ATP11B: variants seen among roughly 807,000 people sequenced by gnomAD.
ATP11B encodes the protein phospholipid-transporting ATPase IF.
Under a neutral mutation model 157.8 loss-of-function variants are expected in ATP11B, and 81 were observed. That is an observed-to-expected ratio of 0.51 (90% CI 0.43 to 0.62). The LOEUF is 0.62. Among genes scored for constraint, ATP11B ranks in the 20% least tolerant of loss-of-function variants. The pLI is 0.00. For synonymous variants in ATP11B, 451 were observed against 469.4 expected (o/e 0.96, Z 0.51); for missense variants, 1,165 against 1,402.2 (o/e 0.83, Z 2.70).
intron 12 of ATP11B, among the ~76,000 whole-genome samples, chr3:182,864,893 T>C (rs1280851712): frequency 1.3e-5 from 2 of 152,192 alleles, no homozygotes; most frequent in Non-Finnish European, 2.9e-5. Context: ...TCTTACTTAC[T>C]TTTAAAAATA....
In ATP11B at chr3:182,879,561, T is replaced by G; in HGVS notation, c.2318T>G (p.Leu773Arg). 1.2e-6 allele frequency: 2 copies of G among 1,614,152 alleles called. No homozygotes were observed. The highest frequency in any genetic ancestry group is 8.5e-7 in the Non-Finnish European group (1 of 1,179,980). The change falls in exon 20 of 30, where the codon CTC becomes CGC. Residue 773 changes from leucine to arginine, a missense_variant. By Grantham distance (102) the Leu-to-Arg change is moderately radical. Coordinates refer to ENST00000323116, the MANE Select transcript of ATP11B (RefSeq NM_014616.3). ...GATGGGACCAGCCTATCTCTTGCAC[T>G]CAGGGAGCATGAAAAACTATTTATG... ...VVDGTSLSLA[L>R]REHEKLFMEV...
intron 28 of ATP11B, among the ~76,000 whole-genome samples, chr3:182,908,996 A>T (rs1020648884): frequency 1.3e-5 from 2 of 152,248 alleles, no homozygotes; most frequent in Non-Finnish European, 2.9e-5. Flanking sequence ...AAGACCTAGC[A>T]TGGTTAATTG....
intron 12 of ATP11B, among the ~76,000 whole-genome samples, chr3:182,864,122 T>C (rs1445522816): frequency 6.6e-6 from 1 of 152,194 alleles, no homozygotes; most frequent in African/African-American, 2.4e-5. Flanking sequence ...CTTTTTATCC[T>C]GGAATTGTGC....
At chr3:182,878,509 G>T (rs545919203) in intron 19 of ATP11B, among the ~76,000 whole-genome samples, 29 of 152,360 alleles carry the variant, frequency 1.9e-4, no homozygotes, top group African/African-American at 6.7e-4. Context: ...AAGGAGAATT[G>T]TGGGGGGAAG....
intron 28 of ATP11B, among the ~76,000 whole-genome samples, chr3:182,910,073 G>GAAA (rs34483660): frequency 7.1e-4 from 45 of 62,950 alleles, no homozygotes; most frequent in Admixed American, 8.9e-4. Context: ...TCGGCCTCCA[G>GAAA]AAAAAAAAAA....
intron 28 of ATP11B, among the ~76,000 whole-genome samples, chr3:182,913,563 A>G (rs1483215264): frequency 6.6e-6 from 1 of 152,232 alleles, no homozygotes; most frequent in Non-Finnish European, 1.5e-5. Context: ...GATGGAAATC[A>G]TTTTGACCAT....
intron 24 of ATP11B, among the ~76,000 whole-genome samples, chr3:182,888,852 A>G (rs1381985428): frequency 7.0e-6 from 1 of 143,142 alleles, no homozygotes; most frequent in Non-Finnish European, 1.5e-5. Flanking sequence ...CCAGCCTATC[A>G]TATTTCTTTT....
At chr3:182,913,747 C>A in intron 28 of ATP11B, 114 bp from the exon 29 acceptor site, 1 of 1,529,864 alleles carries the variant, frequency 6.5e-7, no homozygotes, top group South Asian at 1.2e-5. Flanking sequence ...TATAGAAAAA[C>A]ATGTAGGTTT....
At chr3:182,857,398 C>T (rs149050746) in intron 10 of ATP11B, among the ~76,000 whole-genome samples, 1 of 152,140 alleles carries the variant, frequency 6.6e-6, no homozygotes, top group African/African-American at 2.4e-5. Flanking sequence ...CCACCCGCCT[C>T]GGTCTCCCAA....
At chr3:182,911,241 CT>C (rs1277664137) in intron 28 of ATP11B, among the ~76,000 whole-genome samples, 1 of 137,010 alleles carries the variant, frequency 7.3e-6, no homozygotes, top group South Asian at 2.5e-4. Flanking sequence ...CCTGGAATAT[CT>C]TTTCCCCCCC....
At chr3:182,835,657 ATG>A (rs1203071685) in intron 4 of ATP11B, among the ~76,000 whole-genome samples, 2 of 152,162 alleles carry the variant, frequency 1.3e-5, no homozygotes, top group African/African-American at 4.8e-5. Flanking sequence ...AAAGAGATAT[ATG>A]GCTGGAGATA....
Position 182,867,469 on chromosome 3 carries a change from T to A in ATP11B, c.1688+25T>A, listed in dbSNP as rs368162706. The A allele has an allele frequency of 1.7e-5, 25 of 1,462,152 alleles. 1 individual carries two copies. Among genetic ancestry groups the A allele is most frequent in the South Asian group, 1.5e-4 (13 of 87,750 alleles). The allele number at this position is 1,462,152 out of a possible 1,614,324, so 90.6% of individuals were successfully genotyped here. A position where few individuals can be genotyped will look rare whatever the true frequency, so the allele number is the denominator to read the frequency against. On this transcript the variant is annotated intron_variant, in intron 15 of 29. Coordinates refer to ENST00000323116, the MANE Select transcript of ATP11B (RefSeq NM_014616.3). ...GGTAATTTTTTTTCATATATTGGAA[T>A]GTTTTCTGTGTTAAGTGTATATAGT...
chr3:182,902,029 GT>G (rs1432391782), intron 28 of ATP11B, among the ~76,000 whole-genome samples: 1 of 151,594 alleles, frequency 6.6e-6, no homozygotes, highest in Non-Finnish European at 1.5e-5. Context: ...GGGTTGGTGT[GT>G]TTTTTCCTTT....
intron 28 of ATP11B, among the ~76,000 whole-genome samples, chr3:182,911,580 G>T (rs902197250): frequency 1.3e-5 from 2 of 152,058 alleles, no homozygotes; most frequent in African/African-American, 4.8e-5. Flanking sequence ...TAAGTTTTCA[G>T]TGAGACAATC....
intron 1 of ATP11B, among the ~76,000 whole-genome samples, chr3:182,800,512 GC>G (rs1489175338): frequency 6.6e-6 from 1 of 152,022 alleles, no homozygotes; most frequent in Admixed American, 6.5e-5. Context: ...ACAGGTGTGA[GC>G]CACTGTGCCC....
intron 17 of ATP11B, among the ~76,000 whole-genome samples, chr3:182,871,651 A>G (rs1721661101): frequency 6.6e-6 from 1 of 152,222 alleles, no homozygotes; most frequent in Non-Finnish European, 1.5e-5. Context: ...AAGTTAAAAC[A>G]GGAAGGTAGA....
intron 9 of ATP11B, among the ~76,000 whole-genome samples, chr3:182,846,948 T>C (rs1719578746): frequency 6.6e-6 from 1 of 152,196 alleles, no homozygotes; most frequent in Non-Finnish European, 1.5e-5. Flanking sequence ...TACATATGTT[T>C]TTCCACAATT....
At chr3:182,905,051 C>CA (rs1724248137) in intron 28 of ATP11B, among the ~76,000 whole-genome samples, 1 of 151,972 alleles carries the variant, frequency 6.6e-6, no homozygotes, top group Non-Finnish European at 1.5e-5. Flanking sequence ...CCCTTGAAAC[C>CA]AAAAAATTCT....
At chr3:182,835,385 A>G (rs1718470095) in intron 4 of ATP11B, among the ~76,000 whole-genome samples, 1 of 152,230 alleles carries the variant, frequency 6.6e-6, no homozygotes, top group Admixed American at 6.5e-5. Flanking sequence ...CTTTATGATT[A>G]AAATATCATT....
Sources: gnomAD v4.1 joint callset for allele counts (sites outside exome capture counted in the v4.1 genomes callset) on GRCh38, gnomAD v4.1.1 for gene constraint, MANE v1.5 for transcripts, NCBI Gene and HGNC (gene_info 2026-07-23, HGNC 2026-07-21) for gene names.